NCOA5: variants seen among roughly 807,000 people sequenced by gnomAD.
NCOA5 encodes the protein nuclear receptor coactivator 5, also known as NCoA-5.
Under a neutral mutation model 59.0 loss-of-function variants are expected in NCOA5, and 12 were observed. That is an observed-to-expected ratio of 0.20 (90% CI 0.13 to 0.33). The LOEUF (loss-of-function observed/expected upper bound fraction) is 0.33, where lower values mean the gene tolerates loss of function less well. Ranked by LOEUF, NCOA5 falls within the 10% of genes least tolerant of loss-of-function variation. NCOA5 has a pLI of 1.00. For missense variants in NCOA5, 655 were observed against 766.6 expected (o/e 0.85, Z 1.72); for synonymous variants, 270 against 275.5 (o/e 0.98, Z 0.20).
At chr20:46,065,000 T>G (rs1476430713) in intron 6 of NCOA5, 29 bp downstream of exon 6, 6 of 1,612,114 alleles carry the variant, frequency 3.7e-6, no homozygotes, top group Middle Eastern at 1.8e-4. Context: ...AATGGACTAG[T>G]GACTACCTCC....
intron 3 of NCOA5, among the ~76,000 whole-genome samples, chr20:46,069,368 G>A (rs78193969): frequency 0.026 from 3,904 of 152,156 alleles, 168 homozygotes; most frequent in African/African-American, 0.089. Context: ...TGTTTTCAAC[G>A]TCCTTCATGC....
At chr20:46,075,232 G>A (rs184825077) in intron 2 of NCOA5, among the ~76,000 whole-genome samples, 1,837 of 152,298 alleles carry the variant, frequency 0.012, 38 homozygotes, top group African/African-American at 0.043. Context: ...TCCTTAGGAA[G>A]CACTGACAAC....
intron 3 of NCOA5, among the ~76,000 whole-genome samples, chr20:46,069,283 C>T (rs571607565): frequency 2.6e-4 from 40 of 152,292 alleles, no homozygotes; most frequent in African/African-American, 8.7e-4. Context: ...TATAAATTTG[C>T]GTATTCTTGA....
At chr20:46,087,975 A>C (rs1460954470) in intron 1 of NCOA5, among the ~76,000 whole-genome samples, 1 of 151,400 alleles carries the variant, frequency 6.6e-6, no homozygotes, top group Non-Finnish European at 1.5e-5. Context: ...ACACACACAC[A>C]CATATATATA....
At chr20:46,068,442 C>T (rs2084847007) in intron 4 of NCOA5, 60 bp downstream of exon 4, 2 of 1,536,466 alleles carry the variant, frequency 1.3e-6, no homozygotes, top group African/African-American at 2.8e-5. Context: ...TTATTAGTTT[C>T]CTCTCTCTTT....
chr20:46,066,896 A>C (rs1487902826), intron 5 of NCOA5, among the ~76,000 whole-genome samples, 159 bp downstream of exon 5: 1 of 152,180 alleles, frequency 6.6e-6, no homozygotes, highest in African/African-American at 2.4e-5. Flanking sequence ...CTCAATTTGA[A>C]TTGAGTTTTC....
chr20:46,080,498 C>T (rs559923652), intron 1 of NCOA5, among the ~76,000 whole-genome samples: 9 of 152,158 alleles, frequency 5.9e-5, no homozygotes, highest in South Asian at 4.1e-4. Context: ...TCACATAATT[C>T]GAGTGCTTTA....
At chr20:46,075,599 CTTCT>C (rs1450066907) in intron 2 of NCOA5, among the ~76,000 whole-genome samples, 2 of 152,092 alleles carry the variant, frequency 1.3e-5, no homozygotes, top group African/African-American at 4.8e-5. Flanking sequence ...TCTATTTGTT[CTTCT>C]TTAAGTCATT....
At position 46,070,615 on chromosome 20, in the gene NCOA5, C is replaced by A. The variant is rs574432241; in HGVS notation, c.39-79G>T. Reference sequence around the variant, plus strand: ...CATCAGCTCTTCATATGAGAAAACCCCCACCCTCCAAGCATTCTTCTCTAA... The same window carrying A: ...CATCAGCTCTTCATATGAGAAAACCACCACCCTCCAAGCATTCTTCTCTAA... On this transcript the variant is annotated intron_variant, in intron 2 of 7. Transcript: ENST00000290231. The A allele has an allele frequency of 2.7e-3, 3,656 of 1,357,308 alleles. 6 individuals are homozygous for A. The highest frequency in any genetic ancestry group is 3.3e-3 in the Non-Finnish European group (3,183 of 973,658). The allele number at this position is 1,357,308 out of a possible 1,614,324, so 84.1% of individuals were successfully genotyped here.
intron 5 of NCOA5, among the ~76,000 whole-genome samples, chr20:46,066,089 A>C (rs1299437404): frequency 6.6e-6 from 1 of 152,130 alleles, no homozygotes. Context: ...TTGGTGTCTC[A>C]ACACCTATTT....
At chr20:46,088,222 G>C (rs1568890680) in intron 1 of NCOA5, among the ~76,000 whole-genome samples, 1 of 152,130 alleles carries the variant, frequency 6.6e-6, no homozygotes, top group African/African-American at 2.4e-5. Context: ...ACTGAATCTA[G>C]AAAAACTCCT....
At chr20:46,064,925 G>T in intron 6 of NCOA5, 104 bp downstream of exon 6, 1 of 1,094,306 alleles carries the variant, frequency 9.1e-7, no homozygotes, top group Non-Finnish European at 1.4e-6. Flanking sequence ...TACCATATAT[G>T]AACTGAGATA....
At chr20:46,070,131 T>C (rs1321015619) in intron 3 of NCOA5, 79 bp downstream of exon 3, 2 of 1,155,168 alleles carry the variant, frequency 1.7e-6, no homozygotes, top group East Asian at 2.4e-5. Flanking sequence ...TGACTGCTCT[T>C]ACAGAGCTTT....
At chr20:46,077,675 A>G (rs1204518652) in intron 2 of NCOA5, among the ~76,000 whole-genome samples, 7 of 152,212 alleles carry the variant, frequency 4.6e-5, no homozygotes, top group Non-Finnish European at 1.0e-4. Context: ...GTAAGTCACC[A>G]GGAAACACAC....
chr20:46,088,009 T>C (rs1051081305), intron 1 of NCOA5, among the ~76,000 whole-genome samples: 1 of 152,048 alleles, frequency 6.6e-6, no homozygotes, highest in South Asian at 2.1e-4. Flanking sequence ...ATATATTTTT[T>C]TACACAGCCT....
intron 2 of NCOA5, among the ~76,000 whole-genome samples, chr20:46,075,579 A>T (rs1463876198): frequency 3.9e-5 from 6 of 152,198 alleles, no homozygotes; most frequent in African/African-American, 1.4e-4. Context: ...TTGGATGCAG[A>T]CAAGTTAATT....
chr20:46,079,929 A>G (rs1430550762), intron 1 of NCOA5, among the ~76,000 whole-genome samples: 1 of 152,224 alleles, frequency 6.6e-6, no homozygotes, highest in Non-Finnish European at 1.5e-5. Flanking sequence ...TAAAACTTCC[A>G]ATATCCCATG....
At chr20:46,068,768 T>C in intron 3 of NCOA5, 130 bp from the exon 4 acceptor site, 1 of 800,770 alleles carries the variant, frequency 1.2e-6, no homozygotes, top group Non-Finnish European at 1.9e-6. Flanking sequence ...GCTCTGTGGC[T>C]GTGATAGAGT....
chr20:46,072,793 T>C (rs1261425359), intron 2 of NCOA5, among the ~76,000 whole-genome samples: 1 of 152,228 alleles, frequency 6.6e-6, no homozygotes, highest in Non-Finnish European at 1.5e-5. Context: ...ATAGCACTGT[T>C]TTCACTTTTG....
Sources: allele counts gnomAD v4.1 joint callset (sites outside exome capture counted in the v4.1 genomes callset), GRCh38; gene constraint gnomAD v4.1.1; transcripts MANE v1.5; gene names NCBI Gene and HGNC (gene_info 2026-07-23, HGNC 2026-07-21).